Variants in TYW1B observed in about 807,000 individuals in gnomAD.
TYW1B encodes tRNA-yW synthesizing protein 1 homolog B.
Under a neutral mutation model 86.9 loss-of-function variants are expected in TYW1B, and 73 were observed. The ratio of observed to expected loss-of-function variants is 0.84; its 90% CI spans 0.70 to 1.02. TYW1B has a LOEUF of 1.02. Among genes scored for constraint, TYW1B ranks in the 50% least tolerant of loss-of-function variants. TYW1B has a pLI of 0.00. For synonymous variants in TYW1B, 248 were observed against 292.8 expected, an observed-to-expected ratio of 0.85 and a Z score of 1.56; for missense variants, 637 against 827.4, an observed-to-expected ratio of 0.77 and a Z score of 2.82.
At chr7:72,672,150 AT>A (rs1813622117) in intron 11 of TYW1B, among the ~76,000 whole-genome samples, 1 of 151,858 alleles carries the variant, frequency 6.6e-6, no homozygotes, top group Non-Finnish European at 1.5e-5. Flanking sequence ...AAGTTCTCTC[AT>A]TTTTTTGCCT....
chr7:72,821,965 G>T (rs1416852668), intron 2 of TYW1B, among the ~76,000 whole-genome samples: 1 of 151,656 alleles, frequency 6.6e-6, no homozygotes, highest in African/African-American at 2.4e-5. Flanking sequence ...AGAAATTTAG[G>T]GCCAGGCACG....
intron 12 of TYW1B, 140 bp from the exon 13 acceptor site, chr7:72,616,979 A>G: frequency 8.6e-7 from 1 of 1,160,488 alleles, no homozygotes; most frequent in Non-Finnish European, 1.2e-6. Flanking sequence ...GAATATAGAG[A>G]TGATAAAATC....
chr7:72,693,165 TGACA>T (rs1246540227), intron 11 of TYW1B, among the ~76,000 whole-genome samples: 1 of 151,506 alleles, frequency 6.6e-6, no homozygotes, highest in African/African-American at 2.4e-5. Context: ...CTTAGAAAAG[TGACA>T]GAAAGGAAGC....
At chr7:72,753,533 T>A (rs1028801060) in intron 7 of TYW1B, among the ~76,000 whole-genome samples, 3 of 147,848 alleles carry the variant, frequency 2.0e-5, no homozygotes, top group Non-Finnish European at 3.0e-5. Context: ...CAGCCTGGAG[T>A]GCAGTGGCAC....
chr7:72,747,176 G>C (rs1262250609), intron 7 of TYW1B, among the ~76,000 whole-genome samples: 4 of 152,176 alleles, frequency 2.6e-5, no homozygotes, highest in Non-Finnish European at 5.9e-5. Flanking sequence ...CGTGTTGTGG[G>C]AGAGACCTGG....
chr7:72,624,549 C>T (rs1249350551), intron 12 of TYW1B, among the ~76,000 whole-genome samples: 2 of 152,124 alleles, frequency 1.3e-5, no homozygotes, highest in African/African-American at 2.4e-5. Context: ...ATCCCTTTTG[C>T]GACTACAGCA....
At chr7:72,729,617 A>G (rs1259597287) in intron 8 of TYW1B, among the ~76,000 whole-genome samples, 1 of 152,096 alleles carries the variant, frequency 6.6e-6, no homozygotes. Context: ...TCCAAAAAAA[A>G]CAGGCAGCAC....
At chr7:72,754,801 T>A (rs1554465700) in intron 7 of TYW1B, among the ~76,000 whole-genome samples, 1 of 152,184 alleles carries the variant, frequency 6.6e-6, no homozygotes. Flanking sequence ...AACTGCTTCC[T>A]GACACCTTCT....
At chr7:72,638,513 A>G (rs1265051803) in intron 11 of TYW1B, among the ~76,000 whole-genome samples, 2 of 152,196 alleles carry the variant, frequency 1.3e-5, no homozygotes, top group African/African-American at 4.8e-5. Context: ...AATTTTCTCA[A>G]CTTAATAAGG....
intron 6 of TYW1B, among the ~76,000 whole-genome samples, chr7:72,777,784 C>T (rs1260169191): frequency 1.3e-5 from 2 of 152,074 alleles, no homozygotes; most frequent in African/African-American, 4.8e-5. Flanking sequence ...GGGATGGTGG[C>T]TCACACCTGT....
At chr7:72,646,423 G>A (rs1554442078) in intron 11 of TYW1B, among the ~76,000 whole-genome samples, 1 of 151,928 alleles carries the variant, frequency 6.6e-6, no homozygotes, top group African/African-American at 2.4e-5. Context: ...GCAGGCTGGA[G>A]TGCAGTGGCA....
chr7:72,670,953 T>C (rs1208387920), intron 11 of TYW1B, among the ~76,000 whole-genome samples: 1 of 152,184 alleles, frequency 6.6e-6, no homozygotes, highest in Non-Finnish European at 1.5e-5. Context: ...AAGCTTAATA[T>C]TCCAGTCTGT....
intron 11 of TYW1B, among the ~76,000 whole-genome samples, chr7:72,650,201 A>G (rs1813027317): frequency 6.6e-6 from 1 of 151,720 alleles, no homozygotes; most frequent in South Asian, 2.1e-4. Flanking sequence ...GGAGTGAGCC[A>G]CCGCGCCTAG....
chr7:72,617,470 G>A (rs1342687785), intron 12 of TYW1B, among the ~76,000 whole-genome samples: 1 of 152,150 alleles, frequency 6.6e-6, no homozygotes, highest in East Asian at 1.9e-4. Flanking sequence ...TGGTTCAAGA[G>A]AGTCTCGTGC....
intron 11 of TYW1B, among the ~76,000 whole-genome samples, chr7:72,655,338 A>G (rs1813173124): frequency 6.6e-6 from 1 of 152,132 alleles, no homozygotes; most frequent in South Asian, 2.1e-4. Context: ...TGGAATCCAC[A>G]TGACTAACCG....
At chr7:72,591,986 G>A (rs1302439494) in intron 13 of TYW1B, among the ~76,000 whole-genome samples, 1 of 151,738 alleles carries the variant, frequency 6.6e-6, no homozygotes, top group Non-Finnish European at 1.5e-5. Context: ...ACAATGCCTG[G>A]ACAATTTTTG....
At chr7:72,773,933 C>T (rs1325445991) in intron 7 of TYW1B, among the ~76,000 whole-genome samples, 5 of 151,620 alleles carry the variant, frequency 3.3e-5, no homozygotes, top group African/African-American at 4.8e-5. Flanking sequence ...GGTGTGGTGG[C>T]GCATGCGTGT....
At position 72,695,829 on chromosome 7, in the gene TYW1B, C is replaced by CA. The variant is rs782681332; in HGVS notation, c.1371-1008dup. 2.6e-5 allele frequency among the ~76,000 whole-genome samples: 4 copies of CA among 152,212 alleles called. No homozygotes were observed. In the South Asian group the frequency reaches 6.2e-4, roughly 24 times the overall value. Reference sequence around the variant, plus strand: ...TAGGCTGGTCTGGAACTCCTGGGCTCAAGCGATCCACCCACCTCAGCCTCC... The same window carrying CA: ...TAGGCTGGTCTGGAACTCCTGGGCTCAAAGCGATCCACCCACCTCAGCCTCC... On this transcript the variant is annotated intron_variant, in intron 10 of 13. Transcript: ENST00000620995.
intron 11 of TYW1B, among the ~76,000 whole-genome samples, chr7:72,682,396 TAA>T (rs1813897708): frequency 1.3e-5 from 2 of 152,148 alleles, no homozygotes; most frequent in Admixed American, 1.3e-4. Context: ...CCAACTGGAT[TAA>T]AGAGTTGAGA....
Sources: allele counts gnomAD v4.1 joint callset (sites outside exome capture counted in the v4.1 genomes callset), GRCh38; gene constraint gnomAD v4.1.1; transcripts MANE v1.5; gene names NCBI Gene and HGNC (gene_info 2026-07-23, HGNC 2026-07-21).